Variants in EPHA5 observed in about 807,000 individuals in gnomAD.
EPHA5 encodes the protein EPH receptor A5, also known as ephrin type-A receptor 5.
EPHA5 carries 60 observed loss-of-function variants against 105.0 expected under a neutral mutation model. That is an observed-to-expected ratio of 0.57 (90% CI 0.46 to 0.71). The LOEUF is 0.71. Ranked by LOEUF, EPHA5 falls within the 30% of genes least tolerant of loss-of-function variation. The probability of loss-of-function intolerance (pLI) is 0.00; values close to 1 mark genes in which losing one functional copy is unlikely to be tolerated. For synonymous variants in EPHA5, 513 were observed against 449.1 expected, an observed-to-expected ratio of 1.14 and a Z score of -1.80; for missense variants, 1,218 against 1,274.7, an observed-to-expected ratio of 0.96 and a Z score of 0.68.
chr4:65,348,995 T>C (rs1250335105), intron 13 of EPHA5, among the ~76,000 whole-genome samples: 1 of 151,052 alleles, frequency 6.6e-6, no homozygotes, highest in East Asian at 2.0e-4. Context: ...TTTGTATTTT[T>C]AGTAGAGACA....
chr4:65,667,541 A>C (rs539072972), intron 1 of EPHA5, among the ~76,000 whole-genome samples: 1 of 152,166 alleles, frequency 6.6e-6, no homozygotes, highest in African/African-American at 2.4e-5. Flanking sequence ...AGATGAGGTA[A>C]GACAATACAA....
At chr4:65,425,498 G>A (rs1724343930) in intron 5 of EPHA5, among the ~76,000 whole-genome samples, 1 of 151,984 alleles carries the variant, frequency 6.6e-6, no homozygotes, top group Non-Finnish European at 1.5e-5. Context: ...GTCAAGTTGG[G>A]ACCAAGATTC....
rs1253089489 is a variant in EPHA5 at position 65,516,458 on chromosome 4, C to T, written c.911-20915G>A. Among the ~76,000 whole-genome samples, 3 of 151,902 alleles carry T rather than the reference C, an allele frequency of 2.0e-5. No individual in the cohort carries two copies. The East Asian group carries it at 5.8e-4, about 29-fold the overall frequency. The stretch of plus-strand genomic sequence containing the variant: ...GGAGGAAGAGGAGAATGTTGCCTGG[C>T]TATTTTAGGAACAGCAGAGGCAGTA... On this transcript the variant is annotated intron_variant, in intron 3 of 16. Coordinates refer to ENST00000613740, the MANE Select transcript of EPHA5 (RefSeq NM_001281766.3).
At chr4:65,351,084 T>C (rs1194628639) in intron 13 of EPHA5, among the ~76,000 whole-genome samples, 1 of 151,960 alleles carries the variant, frequency 6.6e-6, no homozygotes, top group Non-Finnish European at 1.5e-5. Flanking sequence ...TTTAACTCCT[T>C]ACTTTGAAAT....
intron 11 of EPHA5, among the ~76,000 whole-genome samples, chr4:65,363,792 GT>G (rs1717574728): frequency 6.6e-6 from 1 of 151,280 alleles, no homozygotes; most frequent in African/African-American, 2.4e-5. Flanking sequence ...TATCACAGAC[GT>G]TCTTTCAAGG....
intron 3 of EPHA5, among the ~76,000 whole-genome samples, chr4:65,568,325 C>A (rs1739772089): frequency 6.6e-6 from 1 of 151,374 alleles, no homozygotes; most frequent in Non-Finnish European, 1.5e-5. Context: ...ACACCTAACA[C>A]AATTCTATCT....
chr4:65,564,528 T>C (rs1415225222), intron 3 of EPHA5, among the ~76,000 whole-genome samples: 3 of 151,796 alleles, frequency 2.0e-5, no homozygotes, highest in Non-Finnish European at 3.0e-5. Context: ...TTTTATTGTA[T>C]CATTTTATAA....
At chr4:65,442,021 C>A (rs1726064685) in intron 5 of EPHA5, among the ~76,000 whole-genome samples, 1 of 152,004 alleles carries the variant, frequency 6.6e-6, no homozygotes, top group Non-Finnish European at 1.5e-5. Context: ...GCTATTATTA[C>A]CCTATTTAAT....
At chr4:65,377,524 G>A (rs1467800393) in intron 8 of EPHA5, among the ~76,000 whole-genome samples, 1 of 151,840 alleles carries the variant, frequency 6.6e-6, no homozygotes, top group Non-Finnish European at 1.5e-5. Flanking sequence ...AATTTCTTAT[G>A]CCTGTGGTAT....
intron 13 of EPHA5, among the ~76,000 whole-genome samples, chr4:65,349,270 A>G (rs2148848394): frequency 6.6e-6 from 1 of 152,258 alleles, no homozygotes; most frequent in African/African-American, 2.4e-5. Flanking sequence ...AACCAAATTA[A>G]AAATTATTGA....
At chr4:65,325,999 G>A (rs1720037154) in intron 16 of EPHA5, among the ~76,000 whole-genome samples, 1 of 147,310 alleles carries the variant, frequency 6.8e-6, no homozygotes, top group African/African-American at 2.5e-5. Context: ...GAGAATCATT[G>A]AGATATATAT....
chr4:65,639,360 A>G (rs987613228), intron 2 of EPHA5, among the ~76,000 whole-genome samples: 1 of 152,190 alleles, frequency 6.6e-6, no homozygotes, highest in Non-Finnish European at 1.5e-5. Flanking sequence ...TTTCCTGGAT[A>G]TTGAATTCTA....
chr4:65,581,055 A>C (rs1379113654), intron 3 of EPHA5, among the ~76,000 whole-genome samples: 1 of 151,802 alleles, frequency 6.6e-6, no homozygotes, highest in Non-Finnish European at 1.5e-5. Context: ...TAGAAACCTA[A>C]TTACTATCTT....
intron 2 of EPHA5, among the ~76,000 whole-genome samples, chr4:65,621,657 A>G (rs1300350211): frequency 6.6e-6 from 1 of 152,148 alleles, no homozygotes; most frequent in Non-Finnish European, 1.5e-5. Context: ...AAACATTAAT[A>G]TACAGAATCA....
intron 8 of EPHA5, among the ~76,000 whole-genome samples, chr4:65,403,801 T>C (rs1056741044): frequency 1.3e-5 from 2 of 152,086 alleles, no homozygotes; most frequent in African/African-American, 4.8e-5. Context: ...TTTAATACAA[T>C]TCACTTCAAA....
intron 11 of EPHA5, among the ~76,000 whole-genome samples, chr4:65,361,312 T>A (rs998581943): frequency 6.6e-6 from 1 of 151,608 alleles, no homozygotes; most frequent in African/African-American, 2.4e-5. Context: ...AGAGGACATT[T>A]TAGGTCTGAG....
chr4:65,474,161 A>G (rs1729568515), intron 5 of EPHA5, among the ~76,000 whole-genome samples: 1 of 152,134 alleles, frequency 6.6e-6, no homozygotes, highest in African/African-American at 2.4e-5. Flanking sequence ...CCTAGAACTT[A>G]AAGTATAACA....
At position 65,321,888 on chromosome 4, in the gene EPHA5, C is replaced by T. The variant is rs1271574579; in HGVS notation, c.*2226G>A. ...TAATTTTCCTTTTGAATCAATAAGG[C>T]TTTCATTCTGAAGTTTCTCAGTTGT... is the stretch of plus-strand genomic sequence containing the variant. On this transcript the variant is annotated 3_prime_UTR_variant, in exon 17 of 17. Transcript: ENST00000613740. The T allele has an allele frequency of 4.4e-6, 1 of 225,142 alleles. No individual in the cohort carries two copies. Among genetic ancestry groups the T allele is most frequent in the Non-Finnish European group, 8.8e-6 (1 of 113,010 alleles). 13.9% of individuals were successfully genotyped at this position (225,142 alleles called of 1,614,324 possible).
chr4:65,470,448 A>G (rs1729175650), intron 5 of EPHA5, among the ~76,000 whole-genome samples: 1 of 152,062 alleles, frequency 6.6e-6, no homozygotes, highest in African/African-American at 2.4e-5. Flanking sequence ...TGCCTCAGCC[A>G]CCCAAAGTAC....
Sources: gnomAD v4.1 joint callset for allele counts (sites outside exome capture counted in the v4.1 genomes callset) on GRCh38, gnomAD v4.1.1 for gene constraint, MANE v1.5 for transcripts, NCBI Gene and HGNC (gene_info 2026-07-23, HGNC 2026-07-21) for gene names.